The following CARMIL1 variants were observed in gnomAD, a reference collection of about 807,000 sequenced individuals.
CARMIL1 encodes capping protein regulator and myosin 1 linker 1, also known as F-actin-uncapping protein LRRC16A.
Under a neutral mutation model 177.1 loss-of-function variants are expected in CARMIL1, and 90 were observed. That is an observed-to-expected ratio of 0.51 (90% CI 0.43 to 0.61). The LOEUF (loss-of-function observed/expected upper bound fraction) is 0.61. Among genes scored for constraint, CARMIL1 ranks in the 20% least tolerant of loss-of-function variants. The probability of loss-of-function intolerance (pLI) is 0.00; values close to 1 mark genes in which losing one functional copy is unlikely to be tolerated. For missense variants in CARMIL1, 1,380 were observed against 1,667.0 expected (o/e 0.83, Z 3.00); for synonymous variants, 577 against 606.2 (o/e 0.95, Z 0.71).
chr6:25,586,708 C>T (rs1286606190), intron 31 of CARMIL1, among the ~76,000 whole-genome samples: 1 of 152,198 alleles, frequency 6.6e-6, no homozygotes, highest in Non-Finnish European at 1.5e-5. Flanking sequence ...ATCCCGGCAC[C>T]TCGGGAGGCC....
chr6:25,284,913 A>G lies in CARMIL1; in HGVS notation c.138+4A>G. The stretch of plus-strand genomic sequence containing the variant: ...CAAAGTTGAAAACAAAGTGCTGGTA[A>G]GTATTGCTGTTTATTTTTATTAAAT... On this transcript the variant is annotated splice_donor_region_variant and intron_variant, in intron 2 of 36. Coordinates refer to ENST00000329474, the MANE Select transcript of CARMIL1 (RefSeq NM_017640.6). 6.7e-7 allele frequency: 1 copy of G among 1,498,686 alleles called. No homozygotes were observed. The highest frequency in any genetic ancestry group is 9.1e-7 in the Non-Finnish European group (1 of 1,096,936). The allele number at this position is 1,498,686 out of a possible 1,614,324, so 92.8% of individuals were successfully genotyped here.
At chr6:25,550,599 T>G (rs1159801411) in intron 26 of CARMIL1, among the ~76,000 whole-genome samples, 1 of 152,174 alleles carries the variant, frequency 6.6e-6, no homozygotes, top group Non-Finnish European at 1.5e-5. Context: ...GCTTGATGTT[T>G]GCATTTTTTA....
intron 2 of CARMIL1, among the ~76,000 whole-genome samples, chr6:25,357,965 T>C (rs148911589): frequency 9.0e-4 from 137 of 152,376 alleles, no homozygotes; most frequent in African/African-American, 3.1e-3. Flanking sequence ...TTTTCAGTTA[T>C]AACTGAGCTG....
intron 7 of CARMIL1, 108 bp from the exon 8 acceptor site, chr6:25,450,530 C>T: frequency 9.1e-7 from 1 of 1,104,600 alleles, no homozygotes; most frequent in Non-Finnish European, 1.3e-6. Context: ...CTTCACTTCT[C>T]AGATTACATA....
chr6:25,619,758 T>C lies in CARMIL1; in HGVS notation c.*175T>C, dbSNP rs1759593163. The C allele has an allele frequency of 2.5e-6, 1 of 395,554 alleles. No individual in the cohort carries two copies. Among genetic ancestry groups the C allele is most frequent in the African/African-American group, 2.5e-5 (1 of 40,702 alleles). The allele number at this position is 395,554 out of a possible 1,614,324, so 24.5% of individuals were successfully genotyped here. ...CTTTTTTTTTTTTTTTTTTTTTTTT[T>C]TTTGTATAGAAACAGATCCATTTCT... On this transcript the variant is annotated 3_prime_UTR_variant, in exon 37 of 37. Transcript: ENST00000329474.
chr6:25,425,722 G>A (rs540923326), intron 3 of CARMIL1, among the ~76,000 whole-genome samples: 1 of 152,240 alleles, frequency 6.6e-6, no homozygotes, highest in South Asian at 2.1e-4. Context: ...CAGGAGAAGA[G>A]AGGGGCACTT....
chr6:25,591,194 G>C (rs1814267515), intron 31 of CARMIL1, among the ~76,000 whole-genome samples: 1 of 152,174 alleles, frequency 6.6e-6, no homozygotes, highest in African/African-American at 2.4e-5. Context: ...TCAAAATCCA[G>C]GTGCACCGCC....
At chr6:25,594,138 C>G (rs1373415739) in intron 31 of CARMIL1, among the ~76,000 whole-genome samples, 1 of 152,166 alleles carries the variant, frequency 6.6e-6, no homozygotes, top group African/African-American at 2.4e-5. Context: ...CCTTTAGAAA[C>G]ACTCGACTCG....
chr6:25,393,773 C>T (rs1164576131), intron 2 of CARMIL1, among the ~76,000 whole-genome samples: 2 of 151,180 alleles, frequency 1.3e-5, no homozygotes, highest in Non-Finnish European at 2.9e-5. Flanking sequence ...AGGAGGATCG[C>T]TTGAACCCAG....
chr6:25,392,305 A>T (rs751046674), intron 2 of CARMIL1, among the ~76,000 whole-genome samples: 1 of 152,196 alleles, frequency 6.6e-6, no homozygotes, highest in Non-Finnish European at 1.5e-5. Context: ...GACCTGCCTT[A>T]TAAAAGAGTT....
intron 2 of CARMIL1, among the ~76,000 whole-genome samples, chr6:25,356,923 C>T (rs1267249381): frequency 6.6e-6 from 1 of 152,214 alleles, no homozygotes; most frequent in Non-Finnish European, 1.5e-5. Flanking sequence ...ACAGAATCCT[C>T]TTCCAGAACC....
intron 16 of CARMIL1, 60 bp from the exon 17 acceptor site, chr6:25,500,106 A>AT: frequency 9.5e-6 from 14 of 1,478,024 alleles, no homozygotes; most frequent in Admixed American, 3.4e-5. Context: ...GTGTGCTTGC[A>AT]TTTTTTCTTT....
At chr6:25,341,061 G>GTATATTAAC (rs1786876270) in intron 2 of CARMIL1, among the ~76,000 whole-genome samples, 1 of 152,104 alleles carries the variant, frequency 6.6e-6, no homozygotes, top group African/African-American at 2.4e-5. Context: ...TTAATATACT[G>GTATATTAAC]TGTGTCAGGC....
At chr6:25,553,674 T>A (rs1483079444) in intron 27 of CARMIL1, among the ~76,000 whole-genome samples, 1 of 152,228 alleles carries the variant, frequency 6.6e-6, no homozygotes, top group Non-Finnish European at 1.5e-5. Flanking sequence ...TTTTCCTTTA[T>A]GTCAATGGAT....
chr6:25,524,099 C>T (rs1806853247), intron 23 of CARMIL1, among the ~76,000 whole-genome samples: 2 of 152,022 alleles, frequency 1.3e-5, no homozygotes, highest in Admixed American at 6.6e-5. Context: ...CAAAGATCTA[C>T]CAGCCAGAGA....
chr6:25,522,228 A>G (rs886092441), intron 23 of CARMIL1, among the ~76,000 whole-genome samples: 1 of 152,232 alleles, frequency 6.6e-6, no homozygotes, highest in African/African-American at 2.4e-5. Flanking sequence ...GCAATAAAAA[A>G]TAGCCATCCT....
intron 29 of CARMIL1, among the ~76,000 whole-genome samples, chr6:25,569,060 G>A (rs893613645): frequency 6.6e-6 from 1 of 152,118 alleles, no homozygotes; most frequent in Non-Finnish European, 1.5e-5. Context: ...TGAGATCAAA[G>A]CCACAAAAGA....
chr6:25,573,530 C>G (rs1017481876), intron 29 of CARMIL1, among the ~76,000 whole-genome samples: 96 of 114,476 alleles, frequency 8.4e-4, no homozygotes, highest in African/African-American at 3.3e-3. Context: ...AGACAGTGGC[C>G]AAAAGACGCC....
At chr6:25,393,160 A>G (rs1162188161) in intron 2 of CARMIL1, among the ~76,000 whole-genome samples, 1 of 151,982 alleles carries the variant, frequency 6.6e-6, no homozygotes, top group East Asian at 1.9e-4. Flanking sequence ...CTTTCATTCT[A>G]TTCTTGTTTT....
Sources: gnomAD v4.1 joint callset for allele counts (sites outside exome capture counted in the v4.1 genomes callset) on GRCh38, gnomAD v4.1.1 for gene constraint, MANE v1.5 for transcripts, NCBI Gene and HGNC (gene_info 2026-07-23, HGNC 2026-07-21) for gene names.